CNTNAP2: variants seen among roughly 807,000 people sequenced by gnomAD.
CNTNAP2 encodes contactin-associated protein-like 2.
CNTNAP2 carries 98 observed loss-of-function variants against 155.2 expected under a neutral mutation model. The ratio of observed to expected loss-of-function variants is 0.63; its 90% CI spans 0.54 to 0.75. The LOEUF (loss-of-function observed/expected upper bound fraction) is 0.75. Among genes scored for constraint, CNTNAP2 ranks in the 30% least tolerant of loss-of-function variants. The pLI is 0.00. For missense variants in CNTNAP2, 1,727 were observed against 1,688.1 expected, an observed-to-expected ratio of 1.02 and a Z score of -0.40; for synonymous variants, 651 against 631.2, an observed-to-expected ratio of 1.03 and a Z score of -0.47.
chr7:146,207,480 A>T (rs1236501067), intron 1 of CNTNAP2, among the ~76,000 whole-genome samples: 1 of 151,970 alleles, frequency 6.6e-6, no homozygotes, highest in Non-Finnish European at 1.5e-5. Flanking sequence ...TTCAAATAAC[A>T]TTATACAAAT....
chr7:147,931,031 A>G (rs527564773), intron 14 of CNTNAP2, among the ~76,000 whole-genome samples: 17 of 152,184 alleles, frequency 1.1e-4, no homozygotes, highest in Non-Finnish European at 2.1e-4. Context: ...AAATGAATGC[A>G]ATACAGCAAA....
chr7:146,461,052 A>G (rs1200751138), intron 1 of CNTNAP2, among the ~76,000 whole-genome samples: 4 of 152,212 alleles, frequency 2.6e-5, no homozygotes, highest in Admixed American at 1.3e-4. Flanking sequence ...CAATGTACAC[A>G]TAGATCAAAA....
intron 3 of CNTNAP2, among the ~76,000 whole-genome samples, chr7:146,984,100 G>C (rs939312097): frequency 6.6e-6 from 1 of 152,052 alleles, no homozygotes; most frequent in African/African-American, 2.4e-5. Flanking sequence ...AGGCGCGGTG[G>C]CTCATGCCTG....
intron 11 of CNTNAP2, among the ~76,000 whole-genome samples, chr7:147,503,791 C>T (rs1405138442): frequency 1.3e-5 from 2 of 151,860 alleles, no homozygotes; most frequent in Non-Finnish European, 2.9e-5. Context: ...GTTTTTTCTC[C>T]CAGAAAATAA....
Position 148,417,054 on chromosome 7 carries a change from CATT to C in CNTNAP2, c.*1441_*1443del, listed in dbSNP as rs1296016314. The C allele has an allele frequency of 5.3e-5, 8 of 152,190 alleles. No homozygotes were observed. Among genetic ancestry groups the C allele is most frequent in the African/African-American group, 1.9e-4 (8 of 41,438 alleles). The allele number at this position is 152,190 out of a possible 1,614,324, so 9.4% of individuals were successfully genotyped here. On this transcript the variant is annotated 3_prime_UTR_variant, in exon 24 of 24. Transcript: ENST00000361727. ...TTCCAGAAAGGCTACCATTTATCAT[CATT>C]ATATTTCAAGCCTCTTATACTTAAT...
intron 1 of CNTNAP2, among the ~76,000 whole-genome samples, chr7:146,751,613 T>A (rs1481851070): frequency 6.6e-6 from 1 of 152,214 alleles, no homozygotes; most frequent in Non-Finnish European, 1.5e-5. Context: ...CTCTTTTTTT[T>A]ATTTTTAAAT....
At chr7:146,779,280 CACAA>C (rs1802441605) in intron 2 of CNTNAP2, among the ~76,000 whole-genome samples, 1 of 152,062 alleles carries the variant, frequency 6.6e-6, no homozygotes, top group Non-Finnish European at 1.5e-5. Flanking sequence ...TAAAGAAAAA[CACAA>C]ACAAAAACTA....
At chr7:146,736,495 A>G (rs1565846) in intron 1 of CNTNAP2, among the ~76,000 whole-genome samples, 1 of 152,182 alleles carries the variant, frequency 6.6e-6, no homozygotes, top group African/African-American at 2.4e-5. Flanking sequence ...ACCTACCACC[A>G]CATCTGAGGG....
chr7:146,221,141 C>T (rs1339146055), intron 1 of CNTNAP2, among the ~76,000 whole-genome samples: 1 of 152,200 alleles, frequency 6.6e-6, no homozygotes, highest in Non-Finnish European at 1.5e-5. Context: ...CCTCTTCCCA[C>T]AACCATGAAC....
intron 18 of CNTNAP2, among the ~76,000 whole-genome samples, chr7:148,199,601 A>C (rs1212423539): frequency 6.6e-6 from 1 of 152,242 alleles, no homozygotes; most frequent in African/African-American, 2.4e-5. Flanking sequence ...CTGTCTATAC[A>C]GTAACCACAA....
intron 13 of CNTNAP2, among the ~76,000 whole-genome samples, chr7:147,738,650 C>CTTTTTTTTTTTTT (rs111611444): frequency 1.7e-5 from 1 of 57,544 alleles, no homozygotes; most frequent in African/African-American, 6.5e-5. Context: ...GTAAACATAA[C>CTTTTTTTTTTTTT]TTTTTTTTTT....
intron 3 of CNTNAP2, among the ~76,000 whole-genome samples, chr7:147,002,374 T>C (rs1333636984): frequency 6.6e-6 from 1 of 152,034 alleles, no homozygotes. Flanking sequence ...AAAATGGCTT[T>C]GGACTTTCCA....
intron 21 of CNTNAP2, among the ~76,000 whole-genome samples, chr7:148,368,741 C>T (rs1361779587): frequency 3.3e-5 from 5 of 152,130 alleles, no homozygotes; most frequent in Non-Finnish European, 5.9e-5. Context: ...AAGGGGGTTC[C>T]GTGTGAGAGG....
chr7:146,138,320 T>C (rs886541462), intron 1 of CNTNAP2, among the ~76,000 whole-genome samples: 1 of 152,126 alleles, frequency 6.6e-6, no homozygotes, highest in Non-Finnish European at 1.5e-5. Flanking sequence ...CACCACAGAT[T>C]TATTAAGTAT....
intron 21 of CNTNAP2, among the ~76,000 whole-genome samples, chr7:148,292,551 T>C (rs1797206421): frequency 6.6e-6 from 1 of 152,172 alleles, no homozygotes; most frequent in African/African-American, 2.4e-5. Flanking sequence ...CAAAAACAAC[T>C]GTTTCCTAAG....
intron 1 of CNTNAP2, among the ~76,000 whole-genome samples, chr7:146,301,244 C>T (rs73460002): frequency 0.052 from 7,917 of 152,124 alleles, 444 homozygotes; most frequent in African/African-American, 0.14. Context: ...GTGAAATGGA[C>T]TCAGGATTAA....
chr7:147,496,559 T>C (rs1270038464), intron 11 of CNTNAP2: 1 of 152,206 alleles, frequency 6.6e-6, no homozygotes, highest in African/African-American at 2.4e-5. Context: ...ACAAAGCTAA[T>C]TTTATATTCT....
chr7:147,628,135 C>T (rs574861577), intron 12 of CNTNAP2, among the ~76,000 whole-genome samples: 121 of 152,222 alleles, frequency 7.9e-4, no homozygotes, highest in African/African-American at 2.6e-3. Flanking sequence ...TCAAAGAACA[C>T]CTGGGAAATT....
rs1420060729 is a variant in CNTNAP2 at position 146,933,621 on chromosome 7, C to G, written c.402+93717C>G. 2.0e-5 allele frequency among the ~76,000 whole-genome samples: 3 copies of G among 146,966 alleles called. No individual in the cohort carries two copies. The East Asian group carries it at 5.9e-4, about 29-fold the overall frequency. Reference sequence around the variant, plus strand: ...ATTAAACTAAAGAGCTTCTGCACAGCAAAAGAAACTACCATCAGAGTGAAC... The same window carrying G: ...ATTAAACTAAAGAGCTTCTGCACAGGAAAAGAAACTACCATCAGAGTGAAC... On this transcript the variant is annotated intron_variant, in intron 3 of 23. Coordinates refer to ENST00000361727, the MANE Select transcript of CNTNAP2 (RefSeq NM_014141.6).
Sources: gnomAD v4.1 joint callset for allele counts (sites outside exome capture counted in the v4.1 genomes callset) on GRCh38, gnomAD v4.1.1 for gene constraint, MANE v1.5 for transcripts, NCBI Gene and HGNC (gene_info 2026-07-23, HGNC 2026-07-21) for gene names.